The following TRPV6 variants were observed in gnomAD, a reference collection of about 807,000 sequenced individuals.
The protein encoded by TRPV6 is transient receptor potential cation channel subfamily V member 6, also known as Alu-binding protein with zinc finger domain.
A neutral mutation model predicts 79.0 loss-of-function variants in TRPV6; 39 were observed. The ratio of observed to expected loss-of-function variants is 0.49; its 90% confidence interval spans 0.38 to 0.64. The LOEUF (loss-of-function observed/expected upper bound fraction) is 0.64. Among genes scored for constraint, TRPV6 ranks in the 30% least tolerant of loss-of-function variants. The pLI is 0.00. For missense variants in TRPV6, 813 were observed against 1,011.1 expected (o/e 0.80, Z 2.66); for synonymous variants, 373 against 391.9 (o/e 0.95, Z 0.57).
At chr7:142,878,301 T>C (rs1795122298) in intron 1 of TRPV6, 1 of 516,978 alleles carries the variant, frequency 1.9e-6, no homozygotes, top group Admixed American at 3.2e-5. Flanking sequence ...ATGTATCATG[T>C]GTGAATGTAT....
intron 1 of TRPV6, chr7:142,878,976 G>A (rs1206833603): frequency 6.6e-6 from 1 of 152,206 alleles, no homozygotes; most frequent in African/African-American, 2.4e-5. Context: ...TCAGAGACAA[G>A]CTCAGGGGTC....
At chr7:142,878,084 A>G in intron 1 of TRPV6, 58 bp from the exon 2 acceptor site, 1 of 1,457,834 alleles carries the variant, frequency 6.9e-7, no homozygotes, top group African/African-American at 1.4e-5. Flanking sequence ...TTGTGGAGGG[A>G]GAGGCCCTGG....
Position 142,885,594 on chromosome 7 carries a change from C to T in TRPV6, c.43G>A (p.Ala15Thr). Reference sequence around the variant, plus strand: ...GGACTCAGCCTTGGGGCCACATCAGCCCCCCCAAGGGCCGGCCCACCGTCT... The same window carrying T: ...GGACTCAGCCTTGGGGCCACATCAGTCCCCCCAAGGGCCGGCCCACCGTCT... The change falls in exon 1 of 15, where the codon GCT becomes ACT. Residue 15 changes from alanine to threonine, a missense_variant. By Grantham distance (58) the Ala-to-Thr change is moderately conservative. This residue lies in a region of TRPV6 where 555 missense variants were observed against 631.0 expected (regional missense o/e 0.88). Coordinates refer to ENST00000359396, the MANE Select transcript of TRPV6 (RefSeq NM_018646.6). The T allele has an allele frequency of 1.3e-6, 2 of 1,492,574 alleles. No individual in the cohort carries two copies. The highest frequency in any genetic ancestry group is 1.8e-6 in the Non-Finnish European group (2 of 1,118,252). 92.5% of individuals were successfully genotyped at this position (1,492,574 alleles called of 1,614,324 possible). A position where few individuals can be genotyped will look rare whatever the true frequency, so the allele number is the denominator to read the frequency against.
Position 142,874,906 on chromosome 7 carries a change from G to A in TRPV6, c.1404C>T (p.Leu468=). 6.2e-7 allele frequency: 1 copy of A among 1,614,174 alleles called. No homozygotes were observed. Among genetic ancestry groups the A allele is most frequent in the Non-Finnish European group, 8.5e-7 (1 of 1,180,032 alleles). The change falls in exon 10 of 15, where the codon CTC becomes CTT. Residue 468 remains leucine (L), a splice_region_variant and synonymous_variant. Coordinates refer to ENST00000359396, the MANE Select transcript of TRPV6 (RefSeq NM_018646.6). ...GGAGTGAGAGGAAGGAAACTCACAT[G>A]AGGACATGGAATGGGCCCCCAAGGA...
In TRPV6 at chr7:142,873,398, G is replaced by T; in HGVS notation, c.1908+50C>A. The T allele has an allele frequency of 6.2e-7, 1 of 1,600,122 alleles. No homozygotes were observed. The highest frequency in any genetic ancestry group is 8.5e-7 in the Non-Finnish European group (1 of 1,171,010). The stretch of plus-strand genomic sequence containing the variant: ...GTCTCTCAGCTTGGCAGGTTCCTTG[G>T]TAGGAAGGGGATGACTTGCCCTAAC... On this transcript the variant is annotated intron_variant, in intron 13 of 14. Transcript: ENST00000359396. This position sits in a 1 kb window ranked among gnomAD's most constrained non-coding sequence, Gnocchi z 4.8.
At chr7:142,884,281 A>G (rs1278258556) in intron 1 of TRPV6, 1 of 152,346 alleles carries the variant, frequency 6.6e-6, no homozygotes, top group Non-Finnish European at 1.5e-5. Context: ...ACCATCCCCA[A>G]CCCAGAATCC....
At chr7:142,877,829 C>G in intron 2 of TRPV6, 56 bp from the exon 3 acceptor site, 1 of 1,613,128 alleles carries the variant, frequency 6.2e-7, no homozygotes, top group Non-Finnish European at 8.5e-7. Context: ...GGATTGGAGA[C>G]GATAGATTCA....
chr7:142,881,428 T>C lies in TRPV6; in HGVS notation c.249-3402A>G, dbSNP rs528279450. 22 of 152,180 alleles carry C rather than the reference T, an allele frequency of 1.4e-4. No homozygotes were observed. The East Asian group carries it at 4.1e-3, about 28-fold the overall frequency. 9.4% of individuals were successfully genotyped at this position (152,180 alleles called of 1,614,324 possible). A position where few individuals can be genotyped will look rare whatever the true frequency, so the allele number is the denominator to read the frequency against. On this transcript the variant is annotated intron_variant, in intron 1 of 14. Coordinates refer to ENST00000359396, the MANE Select transcript of TRPV6 (RefSeq NM_018646.6). ...CCGTTTTAGAATGAGGATTCTTCAC[T>C]CGAAAAGGAATCAGAAATATCCTAT... is the stretch of plus-strand genomic sequence containing the variant.
At chr7:142,875,720 AC>A in intron 7 of TRPV6, 37 bp downstream of exon 7, 2 of 1,592,460 alleles carry the variant, frequency 1.3e-6, no homozygotes, top group Middle Eastern at 1.7e-4. Context: ...AGACCCTGAC[AC>A]CCCTCCCCAG....
At chr7:142,885,265 C>T (rs1162676676) in intron 1 of TRPV6, 124 bp downstream of exon 1, 24 of 1,212,952 alleles carry the variant, frequency 2.0e-5, no homozygotes, top group South Asian at 6.2e-5. Context: ...GGAGCCAGTC[C>T]GGGCCTGGGA....
rs771971978 is a variant in TRPV6 at position 142,873,540 on chromosome 7, C to T, written c.1816G>A (p.Ala606Thr). ...AGGAGGTTGAGCATGAGCAGTGTGGCGATGATGGCAAAGGCAGCATAGGTG... is the reference window on the plus strand; with the variant it reads ...AGGAGGTTGAGCATGAGCAGTGTGGTGATGATGGCAAAGGCAGCATAGGTG... The change falls in exon 13 of 15, where the codon GCC (alanine) becomes ACC (threonine). Residue 606 changes from alanine (A) to threonine (T), a missense_variant. Ala to Thr is a moderately conservative substitution (Grantham distance 58, BLOSUM62 0). This residue lies in a region of TRPV6 where 94 missense variants were observed against 194.0 expected (regional missense o/e 0.48). Coordinates refer to ENST00000359396, the MANE Select transcript of TRPV6 (RefSeq NM_018646.6). The surrounding 1 kb of genome is among the most constrained non-coding windows in gnomAD (Gnocchi z 4.8). 3 of 1,614,110 alleles carry T rather than the reference C, an allele frequency of 1.9e-6. No individual in the cohort carries two copies. Among genetic ancestry groups the T allele is most frequent in the Admixed American group, 1.7e-5 (1 of 60,010 alleles).
At position 142,876,452 on chromosome 7, in the gene TRPV6, C is replaced by T. The variant is rs555258550; in HGVS notation, c.838G>A (p.Gly280Ser). 1.9e-6 allele frequency: 3 copies of T among 1,614,138 alleles called. No individual in the cohort carries two copies. In the African/African-American group the frequency reaches 4.0e-5, roughly 22 times the overall value. ...CCAGCCAGCTTGAAAGGGGTGAGAC[C>T]CTGGTGATTGGGCACGAGGTCCAGG... The change falls in exon 6 of 15, where the codon GGT becomes AGT. Residue 280 changes from glycine (G) to serine (S), a missense_variant. Around this residue, in one of 3 missense-constraint regions of TRPV6, gnomAD observed 555 missense variants for 631.0 expected, o/e 0.88. Transcript: ENST00000359396.
intron 1 of TRPV6, 115 bp downstream of exon 1, chr7:142,885,274 G>C: frequency 7.7e-7 from 1 of 1,301,122 alleles, no homozygotes; most frequent in Non-Finnish European, 1.0e-6. Flanking sequence ...CCGGGCCTGG[G>C]AGCACCATCT....
At chr7:142,872,079 T>A (rs1313346429) in intron 14 of TRPV6, 90 bp from the exon 15 acceptor site, 4 of 1,481,824 alleles carry the variant, frequency 2.7e-6, no homozygotes, top group Non-Finnish European at 3.6e-6. Flanking sequence ...GGTCCTCCCA[T>A]CCCCGCCATT....
chr7:142,876,566 T>G lies in TRPV6; in HGVS notation c.724A>C (p.Ile242Leu). 1 of 1,614,088 alleles carries G rather than the reference T, an allele frequency of 6.2e-7. No individual in the cohort carries two copies. ...GTTTTGTTGGGCTGGAGGATGAGGA[T>G]GTGTAACACTGTGTTTCCTGGGGAG... The change falls in exon 6 of 15, where the codon ATC becomes CTC. Residue 242 changes from isoleucine to leucine, a missense_variant. Transcript: ENST00000359396.
At position 142,878,115 on chromosome 7, in the gene TRPV6, C is replaced by T. The variant is rs570815320; in HGVS notation, c.249-89G>A. 8 of 1,078,796 alleles carry T rather than the reference C, an allele frequency of 7.4e-6. No homozygotes were observed. In the South Asian group the frequency reaches 9.0e-5, roughly 12 times the overall value. 66.8% of individuals were successfully genotyped at this position (1,078,796 alleles called of 1,614,324 possible). ...CCTGGCTTGACTCCATTATTATACA[C>T]AGATGTGTGTGCCTCAGCAGCAGGA... On this transcript the variant is annotated intron_variant, in intron 1 of 14. Coordinates refer to ENST00000359396, the MANE Select transcript of TRPV6 (RefSeq NM_018646.6).
rs200231244 is a variant in TRPV6 at position 142,874,539 on chromosome 7, G to A, written c.1524C>T (p.Phe508=). The A allele has an allele frequency of 3.3e-5, 54 of 1,613,980 alleles. No individual in the cohort carries two copies. The East Asian group carries it at 4.7e-4, about 14-fold the overall frequency. Residue 508 remains phenylalanine (F), a synonymous_variant, in exon 11 of 15, where the codon TTC becomes TTT. Coordinates refer to ENST00000359396, the MANE Select transcript of TRPV6 (RefSeq NM_018646.6). Reference sequence around the variant, plus strand: ...GGCCTAGCATCTGGAATCCTCGGGCGAAGTACATGACGTTGCACCAGCCCA... The same window carrying A: ...GGCCTAGCATCTGGAATCCTCGGGCAAAGTACATGACGTTGCACCAGCCCA...
intron 7 of TRPV6, 28 bp from the exon 8 acceptor site, chr7:142,875,708 A>G: frequency 6.2e-7 from 1 of 1,603,984 alleles, no homozygotes. Context: ...CAGGTGGCTC[A>G]GAGACCCTGA....
Position 142,885,679 on chromosome 7 carries a change from C to A in TRPV6, c.-43G>T, listed in dbSNP as rs1795291981. The A allele has an allele frequency of 1.1e-6, 1 of 933,012 alleles. No individual in the cohort carries two copies. Among genetic ancestry groups the A allele is most frequent in the Non-Finnish European group, 1.5e-6 (1 of 652,592 alleles). The allele number at this position is 933,012 out of a possible 1,614,324, so 57.8% of individuals were successfully genotyped here. A position where few individuals can be genotyped will look rare whatever the true frequency, so the allele number is the denominator to read the frequency against. Reference sequence around the variant, plus strand: ...CCTGACGAGTTCCTTGGGAGTCTCCCAGCAGCCCCAGCCAGTTTGGAGAGG... The same window carrying A: ...CCTGACGAGTTCCTTGGGAGTCTCCAAGCAGCCCCAGCCAGTTTGGAGAGG... On this transcript the variant is annotated 5_prime_UTR_variant, in exon 1 of 15. Coordinates refer to ENST00000359396, the MANE Select transcript of TRPV6 (RefSeq NM_018646.6).
Sources: gnomAD v4.1 joint callset for allele counts on GRCh38, gnomAD v4.1.1 for gene constraint, gnomAD v4.1.1 regional missense constraint, Gnocchi (gnomAD v3.1) non-coding constraint, MANE v1.5 for transcripts, NCBI Gene and HGNC (gene_info 2026-07-23, HGNC 2026-07-21) for gene names.